The following TAOK1 variants were observed in gnomAD, a reference collection of about 807,000 sequenced individuals.
The protein encoded by TAOK1 is TAO kinase 1.
Under a neutral mutation model 138.3 loss-of-function variants are expected in TAOK1, and 21 were observed. The observed-to-expected ratio is 0.15, with a 90% CI of 0.11 to 0.22. The LOEUF is 0.22. Among genes scored for constraint, TAOK1 ranks in the 10% least tolerant of loss-of-function variants. TAOK1 has a pLI of 1.00. For missense variants in TAOK1, 651 were observed against 1,227.7 expected, an observed-to-expected ratio of 0.53 and a Z score of 7.02; for synonymous variants, 361 against 398.4, an observed-to-expected ratio of 0.91 and a Z score of 1.12.
chr17:29,502,858 A>G (rs1472989360), intron 13 of TAOK1, 135 bp downstream of exon 13: 3 of 951,040 alleles, frequency 3.2e-6, no homozygotes, highest in Middle Eastern at 2.9e-4. Flanking sequence ...TTAAGTGCCT[A>G]TTAAGAGAAA....
At chr17:29,456,693 T>G (rs1238852537) in intron 2 of TAOK1, among the ~76,000 whole-genome samples, 4 of 150,582 alleles carry the variant, frequency 2.7e-5, no homozygotes, top group Non-Finnish European at 5.9e-5. Flanking sequence ...GCACAAGGTA[T>G]ACTCAACCTA....
At chr17:29,510,507 T>C (rs1388066012) in intron 14 of TAOK1, among the ~76,000 whole-genome samples, 1 of 152,258 alleles carries the variant, frequency 6.6e-6, no homozygotes, top group African/African-American at 2.4e-5. Flanking sequence ...TATTCTACAA[T>C]GAACATGTAT....
chr17:29,480,561 A>T (rs1354380838), intron 7 of TAOK1, 80 bp downstream of exon 7: 1 of 1,240,396 alleles, frequency 8.1e-7, no homozygotes, highest in African/African-American at 1.5e-5. Context: ...AGTGTAAGGT[A>T]AAGTACTGTC....
At chr17:29,450,909 T>A (rs1263356615) in intron 1 of TAOK1, among the ~76,000 whole-genome samples, 1 of 152,202 alleles carries the variant, frequency 6.6e-6, no homozygotes. Context: ...TTCTACTTAT[T>A]TAATGAAACA....
At position 29,487,031 on chromosome 17, in the gene TAOK1, C is replaced by T. The variant is rs369610928; in HGVS notation, c.656-2633C>T. ...TGGGAGGCCAAGGCGGGCAGATCAC[C>T]TGAGGTCAGGAGTTCAAGACCAGCC... On this transcript the variant is annotated intron_variant, in intron 8 of 19. Transcript: ENST00000261716. Among the ~76,000 whole-genome samples the T allele has an allele frequency of 4.9e-3, 745 of 152,064 alleles. 8 individuals carry two copies. Among genetic ancestry groups the T allele is most frequent in the African/African-American group, 0.017 (709 of 41,452 alleles).
chr17:29,453,347 G>A (rs1036663982), intron 2 of TAOK1, among the ~76,000 whole-genome samples: 23 of 151,576 alleles, frequency 1.5e-4, no homozygotes, highest in African/African-American at 5.6e-4. Context: ...TTTTAGTAGA[G>A]ACAGCGTTTC....
At chr17:29,400,347 G>A (rs1030177123) in intron 1 of TAOK1, among the ~76,000 whole-genome samples, 4 of 141,234 alleles carry the variant, frequency 2.8e-5, no homozygotes, top group South Asian at 2.2e-4. Flanking sequence ...CCGAGATCGC[G>A]CCATTGCACT....
intron 1 of TAOK1, among the ~76,000 whole-genome samples, chr17:29,434,223 T>TTA (rs1406964522): frequency 6.6e-6 from 1 of 152,104 alleles, no homozygotes; most frequent in Non-Finnish European, 1.5e-5. Flanking sequence ...GCCAACCAGT[T>TTA]TAAAGTTTGG....
intron 13 of TAOK1, among the ~76,000 whole-genome samples, chr17:29,506,959 A>G (rs549039444): frequency 2.0e-5 from 3 of 152,320 alleles, no homozygotes; most frequent in South Asian, 4.1e-4. Context: ...AACATGGATA[A>G]ACTTCAAAAA....
Position 29,550,560 on chromosome 17 carries a change from T to C in TAOK1, c.*7538T>C, listed in dbSNP as rs952484902. The C allele has an allele frequency of 2.0e-5, 3 of 152,224 alleles. No individual in the cohort carries two copies. Among genetic ancestry groups the C allele is most frequent in the Admixed American group, 2.0e-4 (3 of 15,284 alleles). 9.4% of individuals were successfully genotyped at this position (152,224 alleles called of 1,614,324 possible). A position where few individuals can be genotyped will look rare whatever the true frequency, so the allele number is the denominator to read the frequency against. Reference sequence around the variant, plus strand: ...CTATGAGAAATATGTATAGTGTATATTTTAAAACAGCTTTGCTTGTATTGT... The same window carrying C: ...CTATGAGAAATATGTATAGTGTATACTTTAAAACAGCTTTGCTTGTATTGT... On this transcript the variant is annotated 3_prime_UTR_variant, in exon 20 of 20. Transcript: ENST00000261716.
chr17:29,495,933 T>A (rs945273488), intron 11 of TAOK1, among the ~76,000 whole-genome samples: 2 of 152,260 alleles, frequency 1.3e-5, no homozygotes, highest in South Asian at 4.1e-4. Flanking sequence ...AAGTTTTTTT[T>A]AAGTCTTTAA....
chr17:29,519,944 C>T (rs992352881), intron 16 of TAOK1, among the ~76,000 whole-genome samples: 3 of 152,182 alleles, frequency 2.0e-5, no homozygotes, highest in Admixed American at 1.3e-4. Context: ...GGAGCAGTGG[C>T]TCTCACCTGT....
At chr17:29,458,702 G>T (rs980231658) in intron 2 of TAOK1, among the ~76,000 whole-genome samples, 1 of 150,736 alleles carries the variant, frequency 6.6e-6, no homozygotes, top group South Asian at 2.1e-4. Flanking sequence ...TATTTTATTT[G>T]TTTTTTTTGT....
intron 2 of TAOK1, among the ~76,000 whole-genome samples, chr17:29,453,808 T>A (rs113926613): frequency 7.7e-4 from 112 of 144,980 alleles, no homozygotes; most frequent in Middle Eastern, 3.5e-3. Context: ...TAGGTTTTTT[T>A]GTTTTTTTTT....
At chr17:29,415,175 C>G (rs1392136749) in intron 1 of TAOK1, among the ~76,000 whole-genome samples, 1 of 151,974 alleles carries the variant, frequency 6.6e-6, no homozygotes, top group African/African-American at 2.4e-5. Flanking sequence ...TCGTCATGTT[C>G]CCTGGGCTGG....
intron 10 of TAOK1, among the ~76,000 whole-genome samples, chr17:29,492,243 T>A (rs2031309034): frequency 1.3e-5 from 2 of 152,206 alleles, no homozygotes; most frequent in African/African-American, 4.8e-5. Context: ...TTTTATTATT[T>A]GATTCTGAAT....
chr17:29,398,504 C>CTTCTTTTCTT (rs550236319), intron 1 of TAOK1, among the ~76,000 whole-genome samples: 4 of 149,982 alleles, frequency 2.7e-5, no homozygotes, highest in African/African-American at 9.8e-5. Context: ...CTGCGCCAGG[C>CTTCTTTTCTT]TTCTTTTCTT....
intron 1 of TAOK1, among the ~76,000 whole-genome samples, chr17:29,418,328 C>T (rs571669792): frequency 2.0e-5 from 3 of 152,282 alleles, no homozygotes; most frequent in African/African-American, 7.2e-5. Context: ...GGACTGCAGG[C>T]ACATGCCACC....
chr17:29,521,621 C>T (rs2031917644), intron 16 of TAOK1, among the ~76,000 whole-genome samples: 1 of 152,304 alleles, frequency 6.6e-6, no homozygotes, highest in Admixed American at 6.5e-5. Context: ...CTCGCTCTGT[C>T]GCCCAGGCTG....
Sources: allele counts gnomAD v4.1 joint callset (sites outside exome capture counted in the v4.1 genomes callset), GRCh38; gene constraint gnomAD v4.1.1; transcripts MANE v1.5; gene names NCBI Gene and HGNC (gene_info 2026-07-23, HGNC 2026-07-21).